MARCHF1: variants seen among roughly 807,000 people sequenced by gnomAD.
MARCHF1 encodes the protein membrane associated ring-CH-type finger 1.
Under a neutral mutation model 54.2 loss-of-function variants are expected in MARCHF1, and 40 were observed. That is an observed-to-expected ratio of 0.74 (90% CI 0.57 to 0.96). MARCHF1 has a LOEUF of 0.96. Ranked by LOEUF, MARCHF1 falls within the 40% of genes least tolerant of loss-of-function variation. The pLI is 0.00. For missense variants in MARCHF1, 586 were observed against 656.5 expected (o/e 0.89, Z 1.17); for synonymous variants, 236 against 236.3 (o/e 1.00, Z 0.01).
At chr4:163,560,306 G>C (rs1349633025) in intron 8 of MARCHF1, among the ~76,000 whole-genome samples, 1 of 152,122 alleles carries the variant, frequency 6.6e-6, no homozygotes, top group Admixed American at 6.5e-5. Context: ...TTTCCCTGCT[G>C]AATTGCTTTA....
chr4:163,827,622 A>T (rs561604319), intron 4 of MARCHF1, among the ~76,000 whole-genome samples: 1 of 152,202 alleles, frequency 6.6e-6, no homozygotes, highest in Non-Finnish European at 1.5e-5. Context: ...TCACATGGTT[A>T]GCATCAATAA....
At chr4:163,655,877 T>C (rs182462825) in intron 5 of MARCHF1, among the ~76,000 whole-genome samples, 203 of 152,064 alleles carry the variant, frequency 1.3e-3, no homozygotes, top group African/African-American at 4.4e-3. Flanking sequence ...AGAGACAACA[T>C]GCCAGGATCT....
At chr4:163,586,875 A>G (rs1486149041) in intron 7 of MARCHF1, among the ~76,000 whole-genome samples, 2 of 152,248 alleles carry the variant, frequency 1.3e-5, no homozygotes, top group African/African-American at 4.8e-5. Flanking sequence ...AGTTAATACA[A>G]GAAGTCTTAG....
At chr4:164,002,779 A>G (rs1217167883) in intron 2 of MARCHF1, among the ~76,000 whole-genome samples, 4 of 151,918 alleles carry the variant, frequency 2.6e-5, no homozygotes, top group African/African-American at 9.7e-5. Context: ...AAATTTCTGA[A>G]AACGTTTAAC....
intron 4 of MARCHF1, among the ~76,000 whole-genome samples, chr4:163,733,177 GTATATA>G (rs1169850987): frequency 0.012 from 216 of 17,474 alleles, 11 homozygotes; most frequent in African/African-American, 0.024. Flanking sequence ...CTGTATGTGT[GTATATA>G]TATATATATA....
chr4:164,342,131 G>C (rs1018574919), intron 1 of MARCHF1, among the ~76,000 whole-genome samples: 7 of 151,974 alleles, frequency 4.6e-5, no homozygotes, highest in Non-Finnish European at 7.4e-5. Flanking sequence ...AACCAGATCA[G>C]AAAATGGACA....
At chr4:164,218,289 C>T (rs916081162) in intron 1 of MARCHF1, among the ~76,000 whole-genome samples, 16 of 152,014 alleles carry the variant, frequency 1.1e-4, no homozygotes, top group Non-Finnish European at 2.1e-4. Flanking sequence ...AGAATTGTAG[C>T]GTTGAGTATT....
intron 4 of MARCHF1, among the ~76,000 whole-genome samples, chr4:163,849,084 A>G (rs1016152332): frequency 6.6e-6 from 1 of 152,182 alleles, no homozygotes; most frequent in African/African-American, 2.4e-5. Flanking sequence ...TCAAATATGT[A>G]CAATCCAAAT....
At chr4:163,974,194 A>G (rs1317608774) in intron 3 of MARCHF1, among the ~76,000 whole-genome samples, 2 of 152,152 alleles carry the variant, frequency 1.3e-5, no homozygotes, top group Admixed American at 6.5e-5. Context: ...GAATAGGGTG[A>G]GCTTGTAACT....
intron 1 of MARCHF1, among the ~76,000 whole-genome samples, chr4:164,223,004 G>A (rs192233047): frequency 1.2e-3 from 176 of 152,096 alleles, no homozygotes; most frequent in African/African-American, 4.0e-3. Context: ...ACGGCAGCAG[G>A]GAAGGGAGCT....
intron 4 of MARCHF1, among the ~76,000 whole-genome samples, chr4:163,725,280 A>T (rs1269157730): frequency 6.6e-6 from 1 of 152,180 alleles, no homozygotes; most frequent in Non-Finnish European, 1.5e-5. Context: ...GTAGTGGCAT[A>T]GTGTGGGCAA....
intron 7 of MARCHF1, among the ~76,000 whole-genome samples, chr4:163,591,830 T>C (rs917073505): frequency 6.6e-6 from 1 of 152,188 alleles, no homozygotes; most frequent in Non-Finnish European, 1.5e-5. Context: ...TTTGAGGAAC[T>C]GAATTGAGGT....
intron 3 of MARCHF1, among the ~76,000 whole-genome samples, chr4:163,953,001 T>C (rs1182446240): frequency 6.6e-6 from 1 of 152,114 alleles, no homozygotes; most frequent in Non-Finnish European, 1.5e-5. Context: ...TCAAGAGGAA[T>C]GAAATGAAAG....
At chr4:163,973,618 G>T (rs1167662492) in intron 3 of MARCHF1, among the ~76,000 whole-genome samples, 1 of 152,174 alleles carries the variant, frequency 6.6e-6, no homozygotes, top group African/African-American at 2.4e-5. Flanking sequence ...ACAAATACGG[G>T]TTGTTACAGT....
At chr4:163,572,730 G>A (rs1739883749) in intron 8 of MARCHF1, among the ~76,000 whole-genome samples, 1 of 152,052 alleles carries the variant, frequency 6.6e-6, no homozygotes, top group Non-Finnish European at 1.5e-5. Flanking sequence ...ATGTTTCCAT[G>A]TGGAGGGACC....
At chr4:163,995,078 T>C (rs1267413527) in intron 2 of MARCHF1, among the ~76,000 whole-genome samples, 1 of 151,970 alleles carries the variant, frequency 6.6e-6, no homozygotes, top group Non-Finnish European at 1.5e-5. Flanking sequence ...TCCCACAGGT[T>C]CAGGGCTCAG....
chr4:163,765,514 G>A (rs988635634), intron 4 of MARCHF1, among the ~76,000 whole-genome samples: 1 of 151,956 alleles, frequency 6.6e-6, no homozygotes, highest in South Asian at 2.1e-4. Context: ...ATAAATTAAG[G>A]CATTCTGTGA....
intron 1 of MARCHF1, among the ~76,000 whole-genome samples, chr4:164,314,515 TGTGA>T (rs1034569194): frequency 2.0e-5 from 3 of 152,188 alleles, no homozygotes; most frequent in African/African-American, 4.8e-5. Flanking sequence ...CCACAGGCAA[TGTGA>T]GTTTTACTGG....
chr4:163,697,958 C>T (rs1328391424), intron 5 of MARCHF1, among the ~76,000 whole-genome samples: 1 of 152,088 alleles, frequency 6.6e-6, no homozygotes, highest in African/African-American at 2.4e-5. Context: ...ATTTATTGAG[C>T]ACTTGCTCGA....
Sources: gnomAD v4.1 joint callset for allele counts (sites outside exome capture counted in the v4.1 genomes callset) on GRCh38, gnomAD v4.1.1 for gene constraint, MANE v1.5 for transcripts, NCBI Gene and HGNC (gene_info 2026-07-23, HGNC 2026-07-21) for gene names.